KIFAP3: variants seen among roughly 807,000 people sequenced by gnomAD.
KIFAP3 encodes kinesin-associated protein 3.
Under a neutral mutation model 106.5 loss-of-function variants are expected in KIFAP3, and 68 were observed. The ratio of observed to expected loss-of-function variants is 0.64; its 90% CI spans 0.53 to 0.78. The LOEUF (loss-of-function observed/expected upper bound fraction) is 0.78. Among genes scored for constraint, KIFAP3 ranks in the 30% least tolerant of loss-of-function variants. KIFAP3 has a pLI of 0.00. For missense variants in KIFAP3, 780 were observed against 941.8 expected (o/e 0.83, Z 2.25); for synonymous variants, 320 against 311.5 (o/e 1.03, Z -0.29).
At chr1:170,065,337 G>A (rs1294765599) in intron 1 of KIFAP3, among the ~76,000 whole-genome samples, 1 of 151,944 alleles carries the variant, frequency 6.6e-6, no homozygotes, top group Middle Eastern at 3.2e-3. Context: ...TTGGTGGCCG[G>A]GCGCAGTGGC....
At chr1:169,993,106 C>CTTT (rs202163966) in intron 10 of KIFAP3, among the ~76,000 whole-genome samples, 22 of 130,714 alleles carry the variant, frequency 1.7e-4, no homozygotes, top group Non-Finnish European at 3.3e-4. Flanking sequence ...CTTTTCTGTC[C>CTTT]TTTTTTTTTT....
chr1:169,970,393 AACT>A (rs2101885887), intron 17 of KIFAP3, among the ~76,000 whole-genome samples: 1 of 152,182 alleles, frequency 6.6e-6, no homozygotes, highest in East Asian at 1.9e-4. Flanking sequence ...GCTTGGGCCC[AACT>A]ACATTAAACA....
chr1:170,046,564 G>C, intron 3 of KIFAP3, 148 bp downstream of exon 3: 2 of 531,888 alleles, frequency 3.8e-6, no homozygotes, highest in Non-Finnish European at 6.6e-6. Context: ...TTTATTCTTT[G>C]TTGTTTACTC....
chr1:170,075,226 G>A (rs1671875311), upstream of KIFAP3, among the ~76,000 whole-genome samples: 1 of 152,156 alleles, frequency 6.6e-6, no homozygotes, highest in African/African-American at 2.4e-5. Context: ...TGCTTCTTCT[G>A]AGGCAGGCAA....
chr1:170,001,565 G>A (rs1667669882), intron 10 of KIFAP3, among the ~76,000 whole-genome samples: 1 of 152,098 alleles, frequency 6.6e-6, no homozygotes, highest in Non-Finnish European at 1.5e-5. Flanking sequence ...ACTTGATCAG[G>A]TAAGAAAATG....
intron 3 of KIFAP3, among the ~76,000 whole-genome samples, chr1:170,042,751 A>G (rs1670046000): frequency 1.3e-5 from 2 of 152,172 alleles, no homozygotes; most frequent in South Asian, 4.1e-4. Context: ...TTCTTCTTCT[A>G]CATTGGCTAC....
chr1:170,017,997 G>A (rs965783489), intron 9 of KIFAP3, among the ~76,000 whole-genome samples: 36 of 152,214 alleles, frequency 2.4e-4, no homozygotes, highest in Admixed American at 2.0e-4. Context: ...CTTTAAGACA[G>A]GGATCAGCAA....
intron 1 of KIFAP3, among the ~76,000 whole-genome samples, chr1:170,059,251 A>G (rs914828302): frequency 1.3e-5 from 2 of 152,210 alleles, no homozygotes; most frequent in Admixed American, 1.3e-4. Flanking sequence ...AACAAAACTG[A>G]TAGACTGCTA....
At chr1:170,068,242 A>G (rs527984737) in intron 1 of KIFAP3, 1 of 152,296 alleles carries the variant, frequency 6.6e-6, no homozygotes, top group South Asian at 2.1e-4. Context: ...GCTACAGCAC[A>G]AACACTGGAC....
chr1:169,929,439 T>G (rs1663340456), intron 19 of KIFAP3, among the ~76,000 whole-genome samples: 1 of 152,116 alleles, frequency 6.6e-6, no homozygotes, highest in African/African-American at 2.4e-5. Context: ...GCTTCTAAAA[T>G]TTTTCATTGA....
intron 19 of KIFAP3, among the ~76,000 whole-genome samples, chr1:169,925,238 A>G (rs535676882): frequency 6.6e-6 from 1 of 152,252 alleles, no homozygotes; most frequent in South Asian, 2.1e-4. Flanking sequence ...GTATTCAGAT[A>G]ACATATTTTG....
intron 1 of KIFAP3, among the ~76,000 whole-genome samples, chr1:170,056,543 A>G (rs1026426772): frequency 5.9e-5 from 9 of 152,238 alleles, no homozygotes; most frequent in African/African-American, 2.2e-4. Context: ...GCTAGCAGTT[A>G]GCTGACCAGT....
intron 10 of KIFAP3, among the ~76,000 whole-genome samples, chr1:169,998,814 T>C (rs919250025): frequency 6.6e-6 from 1 of 152,206 alleles, no homozygotes; most frequent in Admixed American, 6.5e-5. Context: ...ATAAACCATA[T>C]GTATCTTATT....
At chr1:170,006,540 T>C (rs1458345950) in intron 10 of KIFAP3, among the ~76,000 whole-genome samples, 2 of 152,082 alleles carry the variant, frequency 1.3e-5, no homozygotes, top group Admixed American at 6.6e-5. Context: ...GATGATTAAG[T>C]ACTATGGGGT....
intron 17 of KIFAP3, among the ~76,000 whole-genome samples, chr1:169,965,475 C>T (rs1410938745): frequency 6.6e-6 from 1 of 151,876 alleles, no homozygotes; most frequent in Non-Finnish European, 1.5e-5. Flanking sequence ...CCTACTAATA[C>T]CTGTGAAATG....
chr1:169,966,283 T>C (rs1188180890), intron 17 of KIFAP3, among the ~76,000 whole-genome samples: 8 of 151,798 alleles, frequency 5.3e-5, no homozygotes, highest in Non-Finnish European at 1.2e-4. Flanking sequence ...GCACATGTTA[T>C]TCTATACCAA....
chr1:169,973,127 A>ATATATATATATATATATATATAG (rs1666023377), intron 16 of KIFAP3, among the ~76,000 whole-genome samples: 1 of 142,690 alleles, frequency 7.0e-6, no homozygotes, highest in Admixed American at 7.1e-5. Flanking sequence ...ATATATAAAC[A>ATATATATATATATATATATATAG]ACACAAATCA....
At chr1:170,042,508 A>G (rs1386120297) in intron 3 of KIFAP3, among the ~76,000 whole-genome samples, 1 of 152,172 alleles carries the variant, frequency 6.6e-6, no homozygotes, top group East Asian at 1.9e-4. Flanking sequence ...CTTGGGAAAT[A>G]TTGACTGCAG....
intron 1 of KIFAP3, among the ~76,000 whole-genome samples, chr1:170,083,321 T>C (rs1672048975): frequency 1.3e-5 from 2 of 152,208 alleles, no homozygotes; most frequent in African/African-American, 4.8e-5. Flanking sequence ...ATTTTTCATT[T>C]CTATTTCGTT....
Sources: gnomAD v4.1 joint callset for allele counts (sites outside exome capture counted in the v4.1 genomes callset) on GRCh38, gnomAD v4.1.1 for gene constraint, MANE v1.5 for transcripts, NCBI Gene and HGNC (gene_info 2026-07-23, HGNC 2026-07-21) for gene names.